LRIF1: variants seen among roughly 807,000 people sequenced by gnomAD.
LRIF1 encodes the protein ligand-dependent nuclear receptor-interacting factor 1.
In LRIF1, 32 loss-of-function variants were observed where a neutral mutation model predicts 52.7. That is an observed-to-expected ratio of 0.61 (90% CI 0.46 to 0.82). The LOEUF (loss-of-function observed/expected upper bound fraction) is 0.82, where lower values mean the gene tolerates loss of function less well. Ranked by LOEUF, LRIF1 falls within the 40% of genes least tolerant of loss-of-function variation. The pLI is 0.00. For missense variants in LRIF1, 887 were observed against 892.0 expected, an observed-to-expected ratio of 0.99 and a Z score of 0.07; for synonymous variants, 323 against 317.4, an observed-to-expected ratio of 1.02 and a Z score of -0.19.
At chr1:110,908,092 C>G in the LRIF1 span, among the ~76,000 whole-genome samples, 3 of 152,080 alleles carry the variant, frequency 2.0e-5, no homozygotes, top group African/African-American at 7.2e-5. Context: ...CCTGGGAAAA[C>G]AGAAATTCTA....
At chr1:110,884,533 C>G in the LRIF1 span, among the ~76,000 whole-genome samples, 13 of 152,192 alleles carry the variant, frequency 8.5e-5, no homozygotes, top group South Asian at 2.1e-4. Flanking sequence ...TCTACTGATT[C>G]CATCAACTAT....
intron 1 of LRIF1, 136 bp downstream of exon 1, chr1:110,963,485 C>T: frequency 3.2e-6 from 2 of 629,182 alleles, no homozygotes; most frequent in South Asian, 2.6e-5. Context: ...CGGAGACAAG[C>T]GCTTCCCGCC....
chr1:110,935,233 GA>G, the LRIF1 span, among the ~76,000 whole-genome samples: 1 of 152,174 alleles, frequency 6.6e-6, no homozygotes, highest in Non-Finnish European at 1.5e-5. Flanking sequence ...CAAGCCCAGA[GA>G]GTGAAGACTA....
chr1:110,902,212 C>T, the LRIF1 span, among the ~76,000 whole-genome samples: 1 of 152,092 alleles, frequency 6.6e-6, no homozygotes, highest in African/African-American at 2.4e-5. Flanking sequence ...TGACTCTGTT[C>T]TTAGGATAAA....
intron 1 of LRIF1, among the ~76,000 whole-genome samples, chr1:110,958,535 T>C (rs1488483382): frequency 6.6e-6 from 1 of 152,200 alleles, no homozygotes; most frequent in Non-Finnish European, 1.5e-5. Flanking sequence ...GCAAATATCC[T>C]TCCAATACCA....
At chr1:110,908,908 A>G in the LRIF1 span, among the ~76,000 whole-genome samples, 1 of 152,192 alleles carries the variant, frequency 6.6e-6, no homozygotes, top group Non-Finnish European at 1.5e-5. Context: ...ATATTATGCA[A>G]GATGACCATC....
the LRIF1 span, among the ~76,000 whole-genome samples, chr1:110,887,607 C>G: frequency 6.6e-6 from 1 of 152,146 alleles, no homozygotes; most frequent in Non-Finnish European, 1.5e-5. Flanking sequence ...ATCTTGGGCC[C>G]TTACTCTTAA....
intron 1 of LRIF1, among the ~76,000 whole-genome samples, chr1:110,957,089 A>G (rs992216743): frequency 1.1e-4 from 17 of 152,070 alleles, no homozygotes; most frequent in Admixed American, 5.9e-4. Context: ...CATTTTCTGC[A>G]TTCTAAGCAT....
chr1:110,959,079 A>G (rs1340469366), intron 1 of LRIF1, among the ~76,000 whole-genome samples: 3 of 152,212 alleles, frequency 2.0e-5, no homozygotes, highest in African/African-American at 7.2e-5. Context: ...TAATGTCAGA[A>G]CTAAAACTAG....
intron 1 of LRIF1, among the ~76,000 whole-genome samples, chr1:110,961,573 T>C (rs1658947812): frequency 1.3e-5 from 2 of 152,166 alleles, no homozygotes. Context: ...AAGAGATACT[T>C]CAAACAATAT....
chr1:110,913,226 A>C, the LRIF1 span, among the ~76,000 whole-genome samples: 4 of 152,230 alleles, frequency 2.6e-5, no homozygotes, highest in African/African-American at 9.6e-5. Flanking sequence ...AAACCCTAGA[A>C]GAAAATCTGG....
At chr1:110,957,511 G>A (rs1331393003) in intron 1 of LRIF1, among the ~76,000 whole-genome samples, 2 of 135,598 alleles carry the variant, frequency 1.5e-5, no homozygotes, top group Non-Finnish European at 3.2e-5. Context: ...CAATTCTCAC[G>A]GCTTCAACTA....
At chr1:110,892,996 T>C in the LRIF1 span, 1 of 167,540 alleles carries the variant, frequency 6.0e-6, no homozygotes, top group South Asian at 1.4e-4. Flanking sequence ...CACAAGATAC[T>C]CCGTAGAGAG....
In LRIF1 at chr1:110,949,963, C is replaced by G; in HGVS notation, c.1757G>C (p.Arg586Pro). The G allele has an allele frequency of 6.2e-7, 1 of 1,614,054 alleles. No individual in the cohort carries two copies. Among genetic ancestry groups the G allele is most frequent in the Non-Finnish European group, 8.5e-7 (1 of 1,180,012 alleles). The change falls in exon 3 of 4, where the codon CGA (arginine) becomes CCA (proline). Residue 586 changes from arginine to proline, a missense_variant. Physicochemically the swap from Arg to Pro is moderately radical, Grantham distance 103. Coordinates refer to ENST00000369763, the MANE Select transcript of LRIF1 (RefSeq NM_018372.4). ...TCCAGAGGTCAAATGGTCAGGAATTCGAGTAAGGCACACTCTCAAATCCTT... is the reference window on the plus strand; with the variant it reads ...TCCAGAGGTCAAATGGTCAGGAATTGGAGTAAGGCACACTCTCAAATCCTT... Reference protein sequence around the residue: ...LTKDLRVCLTRIPDHLTSGEG... With the variant: ...LTKDLRVCLTPIPDHLTSGEG...
At chr1:110,949,628 C>T (rs1003737021) in intron 3 of LRIF1, among the ~76,000 whole-genome samples, 2 of 151,562 alleles carry the variant, frequency 1.3e-5, no homozygotes, top group Admixed American at 6.6e-5. Flanking sequence ...TCATGTTGGT[C>T]AGGCTGGTCT....
chr1:110,957,065 A>G (rs1365960308), intron 1 of LRIF1, among the ~76,000 whole-genome samples: 1 of 151,872 alleles, frequency 6.6e-6, no homozygotes, highest in Non-Finnish European at 1.5e-5. Flanking sequence ...TGACTTTCCT[A>G]ATGCTCCCTT....
the LRIF1 span, among the ~76,000 whole-genome samples, chr1:110,886,909 C>T: frequency 1.5e-5 from 2 of 135,458 alleles, no homozygotes; most frequent in East Asian, 4.2e-4. Flanking sequence ...GATATTTTCT[C>T]TTGCCGTCTT....
the LRIF1 span, among the ~76,000 whole-genome samples, chr1:110,885,462 G>A: frequency 0.43 from 65,652 of 151,772 alleles, 15,746 homozygotes; most frequent in Admixed American, 0.56. Context: ...GGCGTGAACC[G>A]GGGAGGCGGA....
chr1:110,933,209 C>A, the LRIF1 span, among the ~76,000 whole-genome samples: 1 of 152,232 alleles, frequency 6.6e-6, no homozygotes, highest in East Asian at 1.9e-4. Flanking sequence ...ATCAGCTTCT[C>A]CAAAAAGCAC....
Sources: allele counts gnomAD v4.1 joint callset (sites outside exome capture counted in the v4.1 genomes callset), GRCh38; gene constraint gnomAD v4.1.1; transcripts MANE v1.5; gene names NCBI Gene and HGNC (gene_info 2026-07-23, HGNC 2026-07-21).